The following RNF8 variants were observed in gnomAD, a reference collection of about 807,000 sequenced individuals.
RNF8 encodes the protein ring finger protein 8.
Under a neutral mutation model 59.3 loss-of-function variants are expected in RNF8, and 8 were observed. The ratio of observed to expected loss-of-function variants is 0.13; its 90% CI spans 0.08 to 0.24. The LOEUF is 0.24. Among genes scored for constraint, RNF8 ranks in the 10% least tolerant of loss-of-function variants. The pLI is 1.00. For synonymous variants in RNF8, 162 were observed against 200.0 expected (o/e 0.81, Z 1.60); for missense variants, 406 against 572.6 (o/e 0.71, Z 2.97).
At chr6:37,369,794 G>A (rs1318739262) in intron 3 of RNF8, 1 of 153,748 alleles carries the variant, frequency 6.5e-6, no homozygotes, top group African/African-American at 2.4e-5. Flanking sequence ...TGAGCAGCCA[G>A]CATGTGATGG....
chr6:37,375,802 A>G (rs775516301), intron 5 of RNF8, among the ~76,000 whole-genome samples: 100 of 152,232 alleles, frequency 6.6e-4, no homozygotes, highest in Non-Finnish European at 1.1e-3. Context: ...AATATACCTC[A>G]AATGGCCTAT....
At chr6:37,385,794 C>T (rs948566633) in intron 7 of RNF8, among the ~76,000 whole-genome samples, 4 of 151,468 alleles carry the variant, frequency 2.6e-5, no homozygotes, top group Admixed American at 2.6e-4. Context: ...CTTTTGTGTC[C>T]TAGTATCCTT....
chr6:37,371,494 T>A lies in RNF8; in HGVS notation c.976-18T>A. 1 of 1,611,952 alleles carries A rather than the reference T, an allele frequency of 6.2e-7. No homozygotes were observed. Among genetic ancestry groups the A allele is most frequent in the Non-Finnish European group, 8.5e-7 (1 of 1,178,462 alleles). ...TTTTCCCTGCAGAGAAACCTTCCAT[T>A]TTGTTTTGGCTTTGCAGGGTTTGGA... On this transcript the variant is annotated intron_variant, in intron 3 of 7. Transcript: ENST00000373479.
Position 37,376,911 on chromosome 6 carries a change from TTG to T in RNF8, c.1129-9_1129-8del, listed in dbSNP as rs750294525. ...TTGGTTCTCTGAATGACAGGTAGGATTGTGTGTCTTGCAGGAAGAGAAGGAGA... is the reference window on the plus strand; with the variant it reads ...TTGGTTCTCTGAATGACAGGTAGGATTGTGTCTTGCAGGAAGAGAAGGAGA... On this transcript the variant is annotated splice_polypyrimidine_tract_variant and intron_variant, in intron 5 of 7. Transcript: ENST00000373479. 3 of 1,583,366 alleles carry T rather than the reference TTG, an allele frequency of 1.9e-6. No homozygotes were observed. Among genetic ancestry groups the T allele is most frequent in the Non-Finnish European group, 1.7e-6 (2 of 1,152,382 alleles).
chr6:37,390,839 C>G lies in RNF8; in HGVS notation c.*81C>G, dbSNP rs907522662. On this transcript the variant is annotated 3_prime_UTR_variant, in exon 8 of 8. Transcript: ENST00000373479. ...TCTGGAGGATTCTCTCTAGCCGTGA[C>G]TCCGCTGCTCTGAAGGTCAACTGAG... 6 of 1,613,266 alleles carry G rather than the reference C, an allele frequency of 3.7e-6. No homozygotes were observed. In the African/African-American group the frequency reaches 6.7e-5, roughly 18 times the overall value.
chr6:37,363,812 T>C (rs1769425975), intron 2 of RNF8, among the ~76,000 whole-genome samples: 1 of 152,360 alleles, frequency 6.6e-6, no homozygotes, highest in African/African-American at 2.4e-5. Flanking sequence ...AATAATCTTA[T>C]ATTGAAACAC....
intron 3 of RNF8, 111 bp downstream of exon 3, chr6:37,369,329 C>T: frequency 7.8e-7 from 1 of 1,283,364 alleles, no homozygotes; most frequent in Non-Finnish European, 1.1e-6. Flanking sequence ...TTCTGAGCAC[C>T]AAAGACAGGA....
At position 37,354,170 on chromosome 6, in the gene RNF8, G is replaced by T. The variant is rs774548393; in HGVS notation, c.6G>T (p.Gly2=). The change falls in exon 1 of 8, where the codon GGG becomes GGT. Residue 2 remains glycine, a synonymous_variant. Coordinates refer to ENST00000373479, the MANE Select transcript of RNF8 (RefSeq NM_003958.4). ...CCCCCGGGGTCGAGTAGGCGATGGG[G>T]GAGCCCGGCTTCTTCGTCACAGGAG... The part of the protein sequence containing the change: M[G]EPGFFVTGDR... 5.1e-6 allele frequency: 8 copies of T among 1,575,220 alleles called. No homozygotes were observed. The Admixed American group carries it at 1.5e-4, about 29-fold the overall frequency.
At chr6:37,380,541 G>T (rs1003816741) in intron 6 of RNF8, among the ~76,000 whole-genome samples, 10 of 151,278 alleles carry the variant, frequency 6.6e-5, no homozygotes, top group African/African-American at 1.9e-4. Context: ...TGTAGTGGCA[G>T]GCGCCTGTAG....
chr6:37,381,624 T>G (rs950306863), intron 7 of RNF8, among the ~76,000 whole-genome samples: 4 of 152,056 alleles, frequency 2.6e-5, no homozygotes, highest in African/African-American at 9.7e-5. Context: ...AAGATGTGAT[T>G]TAAAAAAATA....
chr6:37,366,186 TTTAGCTGTGGGCTG>T (rs1294318451), intron 2 of RNF8, among the ~76,000 whole-genome samples: 3 of 152,226 alleles, frequency 2.0e-5, no homozygotes, highest in African/African-American at 7.2e-5. Context: ...TCCTACTCTC[TTTAGCTGTGGGCTG>T]TTTCTGTAAT....
Position 37,360,645 on chromosome 6 carries a change from T to G in RNF8, c.240+71T>G. 1 of 1,407,290 alleles carries G rather than the reference T, an allele frequency of 7.1e-7. No homozygotes were observed. The highest frequency in any genetic ancestry group is 9.6e-7 in the Non-Finnish European group (1 of 1,038,490). The allele number at this position is 1,407,290 out of a possible 1,614,324, so 87.2% of individuals were successfully genotyped here. ...TTACTTTTTTTTTTTTTTGCATAGG[T>G]AATTCATGGTATAAAATTCAAAAGT... On this transcript the variant is annotated intron_variant, in intron 2 of 7. Coordinates refer to ENST00000373479, the MANE Select transcript of RNF8 (RefSeq NM_003958.4). This position sits in a 1 kb window ranked among gnomAD's most constrained non-coding sequence, Gnocchi z 4.2.
rs1299745206 is a variant in RNF8, at chr6:37,360,541, T to C, written c.207T>C (p.Asn69=). ...GAAACCACTGTGTTTTGAAGCAGAA[T>C]CCTGAGGGCCAATGGACAATTATGG... ...ISRNHCVLKQ[N]PEGQWTIMDN... Residue 69 remains asparagine, a synonymous_variant, in exon 2 of 8, where the codon AAT becomes AAC. Transcript: ENST00000373479. This position sits in a 1 kb window ranked among gnomAD's most constrained non-coding sequence, Gnocchi z 4.2. 6 of 1,613,852 alleles carry C rather than the reference T, an allele frequency of 3.7e-6. No individual in the cohort carries two copies. Among genetic ancestry groups the C allele is most frequent in the Non-Finnish European group, 5.1e-6 (6 of 1,179,908 alleles).
rs195433 is a variant in RNF8, at chr6:37,392,170, A to G, written c.*1412A>G. 0.041 allele frequency: 12,483 copies of G among 305,426 alleles called. 1,327 individuals carry two copies. Among genetic ancestry groups the G allele is most frequent in the African/African-American group, 0.23 (10,961 of 46,752 alleles). The allele number at this position is 305,426 out of a possible 1,614,324, so 18.9% of individuals were successfully genotyped here. ...AAAAAATGCTTTAAAAGTACTTACTATAACCACATCATAAGAATTCTGGAA... is the reference window on the plus strand; with the variant it reads ...AAAAAATGCTTTAAAAGTACTTACTGTAACCACATCATAAGAATTCTGGAA... On this transcript the variant is annotated 3_prime_UTR_variant, in exon 8 of 8. Transcript: ENST00000373479.
intron 3 of RNF8, among the ~76,000 whole-genome samples, chr6:37,370,976 C>T (rs1453850637): frequency 6.6e-6 from 1 of 152,196 alleles, no homozygotes; most frequent in East Asian, 1.9e-4. Flanking sequence ...TTAATGATCA[C>T]CTGGAAAGCT....
At chr6:37,386,171 A>G (rs1022647059) in intron 7 of RNF8, among the ~76,000 whole-genome samples, 2 of 146,954 alleles carry the variant, frequency 1.4e-5, no homozygotes, top group African/African-American at 4.9e-5. Flanking sequence ...TTGGCACCTC[A>G]GAATACACAG....
intron 7 of RNF8, among the ~76,000 whole-genome samples, chr6:37,383,357 A>G (rs1463982398): frequency 6.6e-6 from 1 of 152,212 alleles, no homozygotes; most frequent in African/African-American, 2.4e-5. Context: ...CCTTCCTTCC[A>G]TATTCCAAGG....
chr6:37,359,268 A>T, intron 1 of RNF8: 1 of 442,714 alleles, frequency 2.3e-6, no homozygotes, highest in Non-Finnish European at 4.5e-6. Context: ...GAAGCTCTCA[A>T]GCTGTTCTTG....
At chr6:37,383,683 G>A (rs1770370810) in intron 7 of RNF8, among the ~76,000 whole-genome samples, 1 of 152,228 alleles carries the variant, frequency 6.6e-6, no homozygotes, top group Non-Finnish European at 1.5e-5. Flanking sequence ...GATCTCTTGT[G>A]TGAGACCAGA....
Sources: gnomAD v4.1 joint callset for allele counts (sites outside exome capture counted in the v4.1 genomes callset) on GRCh38, gnomAD v4.1.1 for gene constraint, Gnocchi (gnomAD v3.1) non-coding constraint, MANE v1.5 for transcripts, NCBI Gene and HGNC (gene_info 2026-07-23, HGNC 2026-07-21) for gene names.